Variants in ANKRD13D observed in about 807,000 individuals in gnomAD.
ANKRD13D encodes ankyrin repeat domain-containing protein 13D.
A neutral mutation model predicts 68.8 loss-of-function variants in ANKRD13D; 24 were observed. The observed-to-expected ratio is 0.35, with a 90% CI of 0.25 to 0.49. The LOEUF is 0.49. Ranked by LOEUF, ANKRD13D falls within the 20% of genes least tolerant of loss-of-function variation. The pLI, the probability that ANKRD13D is intolerant of heterozygous loss-of-function variation, is 0.99. For synonymous variants in ANKRD13D, 331 were observed against 336.1 expected, an observed-to-expected ratio of 0.98 and a Z score of 0.16; for missense variants, 735 against 832.1, an observed-to-expected ratio of 0.88 and a Z score of 1.44.
At position 67,299,883 on chromosome 11, in the gene ANKRD13D, A is replaced by G. The variant is rs1860909460; in HGVS notation, c.937A>G (p.Thr313Ala). 6.5e-6 allele frequency: 10 copies of G among 1,545,272 alleles called. No homozygotes were observed. The highest frequency in any genetic ancestry group is 2.0e-5 in the Admixed American group (1 of 51,252). ...LGMAQQHSSH[T>A]GAPVQQAASP... ...GATGGCGCAGCAGCATTCCTCCCAC[A>G]CCGGGGTGAGCCGGGGCTGGGCCGA... Residue 313 changes from threonine to alanine, a missense_variant, in exon 9 of 15, where the codon ACC (threonine) becomes GCC (alanine). Physicochemically the swap from Thr to Ala is moderately conservative, Grantham distance 58. Transcript: ENST00000511455. The surrounding 1 kb of genome is among the most constrained non-coding windows in gnomAD (Gnocchi z 6.2).
At position 67,292,134 on chromosome 11, in the gene ANKRD13D, C is replaced by T. The variant is rs538215995; in HGVS notation, c.685C>T (p.Pro229Ser). The change falls in exon 6 of 15, where the codon CCT becomes TCT. Residue 229 changes from proline to serine, a missense_variant. Physicochemically the swap from Pro to Ser is moderately conservative, Grantham distance 74 (BLOSUM62 -1). Transcript: ENST00000511455. ...EEHVASRLTS[P>S]IVSTHLDTRN... ...GCATGTGGCCAGTCGCCTCACCTCT[C>T]CTATCGTCTCCACCCACCTGGACAC... 16 of 1,610,522 alleles carry T rather than the reference C, an allele frequency of 9.9e-6. No individual in the cohort carries two copies. The Admixed American group carries it at 1.7e-4, about 17-fold the overall frequency.
chr11:67,293,335 GAA>G (rs770814216), intron 6 of ANKRD13D, among the ~76,000 whole-genome samples: 12 of 152,142 alleles, frequency 7.9e-5, no homozygotes, highest in Non-Finnish European at 1.6e-4. Flanking sequence ...TTTGTTTTTG[GAA>G]TCTAGCCAGC....
Position 67,301,694 on chromosome 11 carries a change from A to C in ANKRD13D, c.1513-38A>C. On this transcript the variant is annotated intron_variant, in intron 13 of 14. Transcript: ENST00000511455. The surrounding 1 kb of genome is among the most constrained non-coding windows in gnomAD (Gnocchi z 4.5). ...GGTGGGCTCTGGCCTCTGCAGCCAC[A>C]CGGCAGAAGTGACAGCTGTGGGCTC... 6.2e-7 allele frequency: 1 copy of C among 1,610,972 alleles called. No individual in the cohort carries two copies. The highest frequency in any genetic ancestry group is 8.5e-7 in the Non-Finnish European group (1 of 1,179,410).
At position 67,300,194 on chromosome 11, in the gene ANKRD13D, CAT is replaced by C. The variant is rs1860925755; in HGVS notation, c.1073+73_1073+74del. On this transcript the variant is annotated intron_variant, in intron 10 of 14. Transcript: ENST00000511455. This position sits in a 1 kb window ranked among gnomAD's most constrained non-coding sequence, Gnocchi z 4.3. ...CTTGCAGACCCCTCTCTGGGCCTGT[CAT>C]AGTTAGGGACCCACTCCCTCGGCTG... 6.3e-7 allele frequency: 1 copy of C among 1,594,232 alleles called. No homozygotes were observed. Among genetic ancestry groups the C allele is most frequent in the African/African-American group, 1.3e-5 (1 of 74,652 alleles).
At position 67,300,148 on chromosome 11, in the gene ANKRD13D, A is replaced by C; in HGVS notation, c.1073+25A>C. 1 of 1,612,770 alleles carries C rather than the reference A, an allele frequency of 6.2e-7. No homozygotes were observed. Among genetic ancestry groups the C allele is most frequent in the East Asian group, 2.2e-5 (1 of 44,852 alleles). ...GGTGAGGTCTGAGAGCTGGCTGGGG[A>C]CTTGCCTCGGGACAAGGGCTCTTGC... On this transcript the variant is annotated intron_variant, in intron 10 of 14. Coordinates refer to ENST00000511455, the MANE Select transcript of ANKRD13D (RefSeq NM_207354.3). The surrounding 1 kb of genome is among the most constrained non-coding windows in gnomAD (Gnocchi z 4.3).
chr11:67,289,327 G>C lies in ANKRD13D; in HGVS notation c.-134G>C. 1 of 425,532 alleles carries C rather than the reference G, an allele frequency of 2.3e-6. No individual in the cohort carries two copies. The highest frequency in any genetic ancestry group is 3.1e-6 in the Non-Finnish European group (1 of 322,516). 26.4% of individuals were successfully genotyped at this position (425,532 alleles called of 1,614,324 possible). On this transcript the variant is annotated 5_prime_UTR_variant, in exon 1 of 15. Transcript: ENST00000511455. Reference sequence around the variant, plus strand: ...CGCCCTCCCTGCCGCCCGCGCTGCCGCCGCCGCCGCCGCCGCCGCTACTGC... The same window carrying C: ...CGCCCTCCCTGCCGCCCGCGCTGCCCCCGCCGCCGCCGCCGCCGCTACTGC...
chr11:67,291,144 G>T, intron 3 of ANKRD13D: 1 of 306,958 alleles, frequency 3.3e-6, no homozygotes, highest in Non-Finnish European at 6.1e-6. Context: ...GATCACTTGA[G>T]CCCAGGAGGT....
rs1358511047 is a variant in ANKRD13D, at chr11:67,301,836, T to A, written c.1604+13T>A. 6.4e-7 allele frequency: 1 copy of A among 1,573,786 alleles called. No individual in the cohort carries two copies. The highest frequency in any genetic ancestry group is 1.2e-5 in the South Asian group (1 of 86,544). ...TTCAGCTGGAGCGGTGAGCCCCTCA[T>A]GGGGCTGGCTGGGTCCCTGTCCCCC... On this transcript the variant is annotated intron_variant, in intron 14 of 14. Transcript: ENST00000511455. The surrounding 1 kb of genome is among the most constrained non-coding windows in gnomAD (Gnocchi z 4.5).
Position 67,301,598 on chromosome 11 carries a change from C to T in ANKRD13D, c.1459C>T (p.Leu487=). Reference sequence around the variant, plus strand: ...CCTCCGGGACGAGGACGATGACCTCCTGCAGTTCGCCATCCAGCAGAGCCT... The same window carrying T: ...CCTCCGGGACGAGGACGATGACCTCTTGCAGTTCGCCATCCAGCAGAGCCT... ...EPLRDEDDDL[L]QFAIQQSLLE... Residue 487 remains leucine (L), a synonymous_variant, in exon 13 of 15, where the codon CTG becomes TTG. Coordinates refer to ENST00000511455, the MANE Select transcript of ANKRD13D (RefSeq NM_207354.3). This position sits in a 1 kb window ranked among gnomAD's most constrained non-coding sequence, Gnocchi z 4.5. The T allele has an allele frequency of 1.2e-6, 2 of 1,612,840 alleles. No individual in the cohort carries two copies. The highest frequency in any genetic ancestry group is 4.5e-5 in the East Asian group (2 of 44,886).
intron 6 of ANKRD13D, among the ~76,000 whole-genome samples, chr11:67,294,702 T>G (rs138792309): frequency 0.017 from 2,571 of 152,054 alleles, 72 homozygotes; most frequent in African/African-American, 0.058. Flanking sequence ...CACCACTCCT[T>G]GCTAATTTTT....
At chr11:67,291,016 C>T (rs183378354) in intron 3 of ANKRD13D, 2 of 201,830 alleles carry the variant, frequency 9.9e-6, no homozygotes, top group African/African-American at 2.4e-5. Flanking sequence ...GGCCCACCCT[C>T]TCCAGGGCAG....
rs755493558 is a variant in ANKRD13D at position 67,291,681 on chromosome 11, G to C, written c.476G>C (p.Ser159Thr). 6.2e-7 allele frequency: 1 copy of C among 1,614,030 alleles called. No homozygotes were observed. Among genetic ancestry groups the C allele is most frequent in the African/African-American group, 1.3e-5 (1 of 74,948 alleles). The change falls in exon 5 of 15, where the codon AGT becomes ACT. Residue 159 changes from serine to threonine, a missense_variant. Transcript: ENST00000511455. Reference sequence around the variant, plus strand: ...GGTGAGAGCCTGCGAGTAGACACCAGTCTCCTGGGCTTCGAGCACATGACC... The same window carrying C: ...GGTGAGAGCCTGCGAGTAGACACCACTCTCCTGGGCTTCGAGCACATGACC... Reference protein sequence around the residue: ...KRGESLRVDTSLLGFEHMTWQ... With the variant: ...KRGESLRVDTTLLGFEHMTWQ...
rs529278115 is a variant in ANKRD13D at position 67,300,314 on chromosome 11, C to G, written c.1073+191C>G. ...TAGCAAGGGGCTTGGCACAGAAAAC[C>G]GGTAGTTTGTCTTTGATGAATGGAT... is the stretch of plus-strand genomic sequence containing the variant. On this transcript the variant is annotated intron_variant, in intron 10 of 14. Transcript: ENST00000511455. This position sits in a 1 kb window ranked among gnomAD's most constrained non-coding sequence, Gnocchi z 4.3. 1 of 740,470 alleles carries G rather than the reference C, an allele frequency of 1.4e-6. No individual in the cohort carries two copies. Among genetic ancestry groups the G allele is most frequent in the Non-Finnish European group, 2.1e-6 (1 of 481,450 alleles). The allele number at this position is 740,470 out of a possible 1,614,324, so 45.9% of individuals were successfully genotyped here.
intron 1 of ANKRD13D, chr11:67,289,877 C>T: frequency 7.0e-7 from 1 of 1,433,018 alleles, no homozygotes; most frequent in Non-Finnish European, 9.1e-7. Context: ...CCAGGCCCCG[C>T]CGCCAGACCC....
rs1433699990 is a variant in ANKRD13D at position 67,302,179 on chromosome 11, G to A, written c.1665G>A (p.Arg555=). Residue 555 remains arginine, a synonymous_variant, in exon 15 of 15, where the codon AGG becomes AGA. Coordinates refer to ENST00000511455, the MANE Select transcript of ANKRD13D (RefSeq NM_207354.3). Reference sequence around the variant, plus strand: ...CCAGGGGCCCAGGATCCCCTCCCAGGACACCCCCAGCCCCCGGTCCACCCA... The same window carrying A: ...CCAGGGGCCCAGGATCCCCTCCCAGAACACCCCCAGCCCCCGGTCCACCCA... The part of the protein sequence containing the change: ...TEPRGPGSPP[R]TPPAPGPPSF... The A allele has an allele frequency of 6.3e-7, 1 of 1,596,094 alleles. No homozygotes were observed. The highest frequency in any genetic ancestry group is 2.3e-5 in the East Asian group (1 of 44,188).
intron 1 of ANKRD13D, 171 bp from the exon 2 acceptor site, chr11:67,289,907 C>T: frequency 2.1e-6 from 3 of 1,436,584 alleles, no homozygotes; most frequent in Non-Finnish European, 2.7e-6. Context: ...CCCTGCCTTC[C>T]CTCCTGCCCC....
rs553809631 is a variant in ANKRD13D, at chr11:67,300,508, G to A, written c.1073+385G>A. ...TGAGGAGCCTTGAGCAGGTATAGGC[G>A]GTAACAGCAGGCACAGTGCCTGCAC... On this transcript the variant is annotated intron_variant, in intron 10 of 14. Transcript: ENST00000511455. This position sits in a 1 kb window ranked among gnomAD's most constrained non-coding sequence, Gnocchi z 4.3. 1.9e-5 allele frequency: 6 copies of A among 324,266 alleles called. No homozygotes were observed. The highest frequency in any genetic ancestry group is 5.4e-5 in the South Asian group (1 of 18,606). 20.1% of individuals were successfully genotyped at this position (324,266 alleles called of 1,614,324 possible).
rs1305683488 is a variant in ANKRD13D, at chr11:67,300,446, T to C, written c.1073+323T>C. On this transcript the variant is annotated intron_variant, in intron 10 of 14. Coordinates refer to ENST00000511455, the MANE Select transcript of ANKRD13D (RefSeq NM_207354.3). The surrounding 1 kb of genome is among the most constrained non-coding windows in gnomAD (Gnocchi z 4.3). ...CGACGTGGCCTGGGAGTGGAGCGTC[T>C]GCCTTGGTGGAACAGAACAGTTACG... The C allele has an allele frequency of 2.6e-6, 1 of 378,882 alleles. No individual in the cohort carries two copies. Among genetic ancestry groups the C allele is most frequent in the Non-Finnish European group, 4.9e-6 (1 of 205,092 alleles). 23.5% of individuals were successfully genotyped at this position (378,882 alleles called of 1,614,324 possible). A position where few individuals can be genotyped will look rare whatever the true frequency, so the allele number is the denominator to read the frequency against.
rs1202591286 is a variant in ANKRD13D, at chr11:67,302,169, C to A, written c.1655C>A (p.Ser552Tyr). 1 of 1,597,384 alleles carries A rather than the reference C, an allele frequency of 6.3e-7. No individual in the cohort carries two copies. The highest frequency in any genetic ancestry group is 1.7e-5 in the Admixed American group (1 of 58,510). The change falls in exon 15 of 15, where the codon TCC becomes TAC. Residue 552 changes from serine (S) to tyrosine (Y), a missense_variant. By Grantham distance (144) the Ser-to-Tyr change is moderately radical. Transcript: ENST00000511455. The part of the protein sequence containing the change: ...QLSTEPRGPG[S>Y]PPRTPPAPGP... Reference sequence around the variant, plus strand: ...TCCACAGAGCCCAGGGGCCCAGGATCCCCTCCCAGGACACCCCCAGCCCCC... The same window carrying A: ...TCCACAGAGCCCAGGGGCCCAGGATACCCTCCCAGGACACCCCCAGCCCCC...
Sources: gnomAD v4.1 joint callset for allele counts (sites outside exome capture counted in the v4.1 genomes callset) on GRCh38, gnomAD v4.1.1 for gene constraint, Gnocchi (gnomAD v3.1) non-coding constraint, MANE v1.5 for transcripts, NCBI Gene and HGNC (gene_info 2026-07-23, HGNC 2026-07-21) for gene names.